The following SLC8A1 variants were observed in gnomAD, a reference collection of about 807,000 sequenced individuals.
SLC8A1 encodes the protein sodium/calcium exchanger 1.
SLC8A1 carries 18 observed loss-of-function variants against 68.3 expected under a neutral mutation model. The ratio of observed to expected loss-of-function variants is 0.26; its 90% CI spans 0.18 to 0.39. The LOEUF is 0.39. Among genes scored for constraint, SLC8A1 ranks in the 10% least tolerant of loss-of-function variants. The pLI is 1.00. For synonymous variants in SLC8A1, 475 were observed against 415.5 expected, an observed-to-expected ratio of 1.14 and a Z score of -1.74; for missense variants, 985 against 1,156.7, an observed-to-expected ratio of 0.85 and a Z score of 2.15.
At position 40,495,172 on chromosome 2, in the gene SLC8A1, A is replaced by C. The variant is rs1001173614; in HGVS notation, c.-25+17177T>G. 8.6e-5 allele frequency among the ~76,000 whole-genome samples: 13 copies of C among 152,034 alleles called. 1 individual carries two copies. Among genetic ancestry groups the C allele is most frequent in the African/African-American group, 1.9e-4 (8 of 41,386 alleles). ...ATGCATGATTTCTTGTGTTCATGAT[A>C]ACAAAAATCATTATGAATATATGAT... is the stretch of plus-strand genomic sequence containing the variant. On this transcript the variant is annotated intron_variant, in intron 1 of 7. Transcript: ENST00000402441.
intron 2 of SLC8A1, among the ~76,000 whole-genome samples, chr2:40,290,140 G>C (rs1184282807): frequency 6.6e-6 from 1 of 151,834 alleles, no homozygotes; most frequent in Non-Finnish European, 1.5e-5. Context: ...CTAAACTGTT[G>C]GTTCCATTAA....
chr2:40,425,782 C>A (rs540826514), intron 2 of SLC8A1, among the ~76,000 whole-genome samples: 12 of 151,974 alleles, frequency 7.9e-5, no homozygotes, highest in Non-Finnish European at 1.0e-4. Flanking sequence ...AATAAGACAA[C>A]TGCCAAAGGA....
chr2:40,263,001 G>A (rs946699153), intron 2 of SLC8A1, among the ~76,000 whole-genome samples: 3 of 152,206 alleles, frequency 2.0e-5, no homozygotes, highest in Non-Finnish European at 4.4e-5. Flanking sequence ...AAATATTTTA[G>A]CATTGAAATA....
At chr2:40,447,186 C>T (rs1458148204) in intron 1 of SLC8A1, among the ~76,000 whole-genome samples, 1 of 152,124 alleles carries the variant, frequency 6.6e-6, no homozygotes, top group Non-Finnish European at 1.5e-5. Context: ...CTAGCATTTT[C>T]TAGGTTACGG....
chr2:40,258,951 C>G (rs2064320010), intron 2 of SLC8A1, among the ~76,000 whole-genome samples: 1 of 151,280 alleles, frequency 6.6e-6, no homozygotes, highest in African/African-American at 2.4e-5. Context: ...AAAGGAAATA[C>G]TTTTCTCATC....
chr2:40,303,774 G>T (rs556181724), intron 2 of SLC8A1, among the ~76,000 whole-genome samples: 12 of 152,266 alleles, frequency 7.9e-5, no homozygotes, highest in African/African-American at 2.4e-4. Context: ...GGGATTCTGG[G>T]TTTTCCAGAC....
chr2:40,333,621 C>T (rs1575483939), intron 2 of SLC8A1, among the ~76,000 whole-genome samples: 1 of 151,958 alleles, frequency 6.6e-6, no homozygotes, highest in Admixed American at 6.6e-5. Flanking sequence ...ATATATTTTT[C>T]TAACTCTCAT....
At chr2:40,321,015 G>C (rs1169017200) in intron 2 of SLC8A1, among the ~76,000 whole-genome samples, 2 of 152,096 alleles carry the variant, frequency 1.3e-5, no homozygotes, top group Non-Finnish European at 2.9e-5. Flanking sequence ...GCAAGCCACA[G>C]GGAAGAGGCT....
Position 40,466,570 on chromosome 2 carries a change from T to G in SLC8A1, c.-24-36266A>C, listed in dbSNP as rs111584299. On this transcript the variant is annotated intron_variant, in intron 1 of 7. Transcript: ENST00000402441. ...ACAACTGCTCTGAGCCTTGCTTCCC[T>G]TGCAAACTGAGGGTGCTAATCTGCT... Among the ~76,000 whole-genome samples, 1,092 of 152,308 alleles carry G rather than the reference T, an allele frequency of 7.2e-3. 24 individuals carry two copies. In the South Asian group the frequency reaches 0.086, roughly 12 times the overall value.
At chr2:40,186,018 C>A (rs1558666144) in intron 2 of SLC8A1, among the ~76,000 whole-genome samples, 2 of 152,138 alleles carry the variant, frequency 1.3e-5, no homozygotes, top group South Asian at 2.1e-4. Context: ...CTGGTTGCCC[C>A]CTCCAGGATC....
chr2:40,326,085 C>G (rs1329585086), intron 2 of SLC8A1, among the ~76,000 whole-genome samples: 5 of 152,060 alleles, frequency 3.3e-5, no homozygotes, highest in Admixed American at 6.6e-5. Context: ...GCAATCTGTA[C>G]AGTGGTGAAA....
intron 2 of SLC8A1, among the ~76,000 whole-genome samples, chr2:40,200,934 A>T (rs1000316128): frequency 4.6e-5 from 7 of 151,822 alleles, no homozygotes; most frequent in Non-Finnish European, 8.8e-5. Flanking sequence ...TAATATATTT[A>T]ATATTACAAA....
chr2:40,253,001 ATATATATGTATCTG>A, intron 2 of SLC8A1, among the ~76,000 whole-genome samples: 1 of 134,044 alleles, frequency 7.5e-6, no homozygotes. Context: ...ATGTATATAC[ATATATATGTATCTG>A]TATATATGTA....
intron 2 of SLC8A1, among the ~76,000 whole-genome samples, chr2:40,417,675 A>G (rs1018993916): frequency 6.6e-6 from 1 of 152,114 alleles, no homozygotes; most frequent in Non-Finnish European, 1.5e-5. Context: ...GGATAAAATG[A>G]GGATTTAAAC....
chr2:40,350,466 G>C (rs1163793052), intron 2 of SLC8A1, among the ~76,000 whole-genome samples: 1 of 151,730 alleles, frequency 6.6e-6, no homozygotes, highest in East Asian at 1.9e-4. Flanking sequence ...GGGTGACAGA[G>C]TTAAACTCTG....
chr2:40,406,612 C>T (rs554735142), intron 2 of SLC8A1, among the ~76,000 whole-genome samples: 12 of 152,138 alleles, frequency 7.9e-5, no homozygotes, highest in African/African-American at 2.2e-4. Flanking sequence ...GAATATCTTC[C>T]CAGGTGGACT....
At chr2:40,212,044 T>C (rs887571445) in intron 2 of SLC8A1, among the ~76,000 whole-genome samples, 1 of 152,190 alleles carries the variant, frequency 6.6e-6, no homozygotes, top group Non-Finnish European at 1.5e-5. Flanking sequence ...GTTCATAATA[T>C]ATTCTCCAAT....
chr2:40,161,013 G>T (rs1047443603), intron 5 of SLC8A1, 149 bp from the exon 9 acceptor site: 3 of 610,624 alleles, frequency 4.9e-6, no homozygotes, highest in African/African-American at 3.7e-5. Flanking sequence ...ACACTGTTAT[G>T]ATTATGCAAA....
At position 40,505,328 on chromosome 2, in the gene SLC8A1, T is replaced by A. The variant is rs115434183; in HGVS notation, c.-25+7021A>T. On this transcript the variant is annotated intron_variant, in intron 1 of 7. Transcript: ENST00000402441. ...AACAATTTAATTGTACATTTTAAAG[T>A]ATTGTAAAGAGTCTAATGGGATTGT... 5.1e-3 allele frequency among the ~76,000 whole-genome samples: 770 copies of A among 151,958 alleles called. 4 individuals carry two copies. Among genetic ancestry groups the A allele is most frequent in the Middle Eastern group, 0.02 (6 of 294 alleles).
Sources: allele counts gnomAD v4.1 joint callset (sites outside exome capture counted in the v4.1 genomes callset), GRCh38; gene constraint gnomAD v4.1.1; transcripts MANE v1.5; gene names NCBI Gene and HGNC (gene_info 2026-07-23, HGNC 2026-07-21).